Variants in KCNH1 observed in about 807,000 individuals in gnomAD.
KCNH1 encodes potassium voltage-gated channel subfamily H member 1.
Under a neutral mutation model 69.2 loss-of-function variants are expected in KCNH1, and 27 were observed. The observed-to-expected ratio is 0.39, with a 90% confidence interval of 0.29 to 0.54. The LOEUF is 0.54. KCNH1 is among the 20% of genes least tolerant of loss of function. The pLI, the probability that KCNH1 is intolerant of heterozygous loss-of-function variation, is 0.68. For missense variants in KCNH1, 798 were observed against 1,261.6 expected, an observed-to-expected ratio of 0.63 and a Z score of 5.57; for synonymous variants, 456 against 487.7, an observed-to-expected ratio of 0.93 and a Z score of 0.86.
chr1:210,978,036 CTTTAATT>C (rs1688645674), intron 6 of KCNH1, among the ~76,000 whole-genome samples: 1 of 150,656 alleles, frequency 6.6e-6, no homozygotes, highest in Non-Finnish European at 1.5e-5. Flanking sequence ...TTATACTCTC[CTTTAATT>C]TTTTTTTTTT....
At chr1:210,805,763 C>G (rs55838617) in intron 7 of KCNH1, among the ~76,000 whole-genome samples, 1 of 152,156 alleles carries the variant, frequency 6.6e-6, no homozygotes, top group South Asian at 2.1e-4. Flanking sequence ...TCCTCCCAAG[C>G]CCCTTGCCCT....
chr1:210,834,685 T>TTA (rs1685244871), intron 7 of KCNH1, among the ~76,000 whole-genome samples: 1 of 142,854 alleles, frequency 7.0e-6, no homozygotes, highest in African/African-American at 2.6e-5. Flanking sequence ...AAAGTATAAT[T>TTA]AAAAAAAAAA....
intron 7 of KCNH1, among the ~76,000 whole-genome samples, chr1:210,912,913 T>C (rs561081149): frequency 6.6e-6 from 1 of 152,238 alleles, no homozygotes; most frequent in South Asian, 2.1e-4. Flanking sequence ...CTGGACCAAA[T>C]AGCAGGCAAA....
intron 3 of KCNH1, among the ~76,000 whole-genome samples, chr1:211,101,714 G>T (rs950142868): frequency 1.3e-5 from 2 of 152,150 alleles, no homozygotes; most frequent in Non-Finnish European, 2.9e-5. Context: ...GAGAATGGCC[G>T]TGGAGCAAAC....
At chr1:210,686,063 C>T (rs1166884712) in intron 10 of KCNH1, among the ~76,000 whole-genome samples, 1 of 152,216 alleles carries the variant, frequency 6.6e-6, no homozygotes, top group East Asian at 1.9e-4. Context: ...TTTCTCCCAT[C>T]CCTGCCTCCT....
chr1:211,104,437 A>C (rs1314960545), intron 2 of KCNH1, among the ~76,000 whole-genome samples: 1 of 152,160 alleles, frequency 6.6e-6, no homozygotes, highest in Admixed American at 6.5e-5. Flanking sequence ...AAACCTCAGG[A>C]TACTAGAAGG....
intron 1 of KCNH1, among the ~76,000 whole-genome samples, chr1:211,109,374 G>C (rs1056910650): frequency 1.3e-5 from 2 of 152,202 alleles, no homozygotes; most frequent in Non-Finnish European, 1.5e-5. Context: ...CGTAGGGGCA[G>C]AATAATCCTT....
At chr1:210,752,345 T>G (rs547081607) in intron 10 of KCNH1, among the ~76,000 whole-genome samples, 39 of 152,292 alleles carry the variant, frequency 2.6e-4, no homozygotes, top group Admixed American at 9.8e-4. Context: ...AGCCGGAAGC[T>G]CTAATGTCTA....
chr1:210,854,538 G>A (rs906076814), intron 7 of KCNH1, among the ~76,000 whole-genome samples: 1 of 152,230 alleles, frequency 6.6e-6, no homozygotes, highest in African/African-American at 2.4e-5. Flanking sequence ...ATTAAGAAAT[G>A]TGGCAGAGCT....
At chr1:210,830,883 C>G (rs1024325229) in intron 7 of KCNH1, among the ~76,000 whole-genome samples, 5 of 152,124 alleles carry the variant, frequency 3.3e-5, no homozygotes, top group African/African-American at 1.2e-4. Flanking sequence ...TAAAACTGCC[C>G]CAGCTTGGCC....
At chr1:211,124,998 C>T (rs1691752256) in intron 1 of KCNH1, among the ~76,000 whole-genome samples, 1 of 152,170 alleles carries the variant, frequency 6.6e-6, no homozygotes. Flanking sequence ...TTAGGAAAAC[C>T]CCAAGACATT....
At chr1:211,062,839 T>A (rs541531873) in intron 5 of KCNH1, among the ~76,000 whole-genome samples, 1 of 152,270 alleles carries the variant, frequency 6.6e-6, no homozygotes, top group East Asian at 1.9e-4. Flanking sequence ...GGAAAGGGAA[T>A]CCTCATAAAC....
intron 5 of KCNH1, among the ~76,000 whole-genome samples, chr1:211,055,459 C>T (rs1690286823): frequency 6.6e-6 from 1 of 152,176 alleles, no homozygotes; most frequent in Admixed American, 6.5e-5. Flanking sequence ...CTCTGTGATG[C>T]TAAGTAAGCT....
At chr1:210,873,105 T>C (rs926480259) in intron 7 of KCNH1, among the ~76,000 whole-genome samples, 1 of 152,212 alleles carries the variant, frequency 6.6e-6, no homozygotes, top group Non-Finnish European at 1.5e-5. Context: ...CACTGAACTA[T>C]CATTTTTCAT....
At chr1:210,895,378 A>G (rs554375664) in intron 7 of KCNH1, among the ~76,000 whole-genome samples, 6 of 152,246 alleles carry the variant, frequency 3.9e-5, no homozygotes, top group Admixed American at 3.9e-4. Flanking sequence ...GATTAATTCT[A>G]TATCATAGAT....
chr1:210,936,298 C>T (rs1197495477), intron 6 of KCNH1, among the ~76,000 whole-genome samples: 2 of 152,192 alleles, frequency 1.3e-5, no homozygotes, highest in Non-Finnish European at 2.9e-5. Flanking sequence ...CTCTGGAACC[C>T]ATCTTCATGT....
rs1014392638 is a variant in KCNH1 at position 210,810,393 on chromosome 1, G to T, written c.1463-6227C>A. Among the ~76,000 whole-genome samples, 4 of 152,044 alleles carry T rather than the reference G, an allele frequency of 2.6e-5. No individual in the cohort carries two copies. In the South Asian group the frequency reaches 8.3e-4, roughly 32 times the overall value. On this transcript the variant is annotated intron_variant, in intron 7 of 10. Coordinates refer to ENST00000271751, the MANE Select transcript of KCNH1 (RefSeq NM_172362.3). Reference sequence around the variant, plus strand: ...TGCTATGGTTCCATTTTCATCCATTGTGCTAAACCCTTTCAATCTGGAAAT... The same window carrying T: ...TGCTATGGTTCCATTTTCATCCATTTTGCTAAACCCTTTCAATCTGGAAAT...
chr1:210,914,000 A>G (rs1687287944), intron 7 of KCNH1, among the ~76,000 whole-genome samples: 2 of 152,022 alleles, frequency 1.3e-5, no homozygotes, highest in African/African-American at 2.4e-5. Context: ...ACATGGCTGG[A>G]AAAAAAAGCC....
At chr1:210,854,535 A>C (rs1685786452) in intron 7 of KCNH1, among the ~76,000 whole-genome samples, 1 of 152,242 alleles carries the variant, frequency 6.6e-6, no homozygotes, top group African/African-American at 2.4e-5. Context: ...CAGATTAAGA[A>C]ATGTGGCAGA....
Sources: gnomAD v4.1 joint callset for allele counts (sites outside exome capture counted in the v4.1 genomes callset) on GRCh38, gnomAD v4.1.1 for gene constraint, MANE v1.5 for transcripts, NCBI Gene and HGNC (gene_info 2026-07-23, HGNC 2026-07-21) for gene names.